Variants in SDK1 observed in about 807,000 individuals in gnomAD.
The protein encoded by SDK1 is protein sidekick-1.
Under a neutral mutation model 245.5 loss-of-function variants are expected in SDK1, and 157 were observed. The observed-to-expected ratio is 0.64, with a 90% CI of 0.56 to 0.73. The LOEUF is 0.73. Among genes scored for constraint, SDK1 ranks in the 30% least tolerant of loss-of-function variants. The probability of loss-of-function intolerance (pLI) is 0.00; values close to 1 mark genes in which losing one functional copy is unlikely to be tolerated. For missense variants in SDK1, 3,583 were observed against 3,002.3 expected (o/e 1.19, Z -4.52); for synonymous variants, 1,647 against 1,278.5 (o/e 1.29, Z -6.15).
chr7:4,065,694 GTTTTTTTTTTTTTTTTTTTTT>G (rs749991713), intron 19 of SDK1, among the ~76,000 whole-genome samples: 3 of 66,720 alleles, frequency 4.5e-5, no homozygotes, highest in East Asian at 1.0e-3. Flanking sequence ...AGTGGTTGTT[GTTTTTTTTTTTTTTTTTTTTT>G]TTTTTTTTTT....
chr7:3,560,768 C>A (rs1472155995), intron 1 of SDK1, among the ~76,000 whole-genome samples: 1 of 152,182 alleles, frequency 6.6e-6, no homozygotes, highest in African/African-American at 2.4e-5. Context: ...TCTCCTACTA[C>A]CCCTCCCCAG....
chr7:3,454,625 C>G (rs1161685046), intron 1 of SDK1, among the ~76,000 whole-genome samples: 1 of 152,160 alleles, frequency 6.6e-6, no homozygotes, highest in Non-Finnish European at 1.5e-5. Flanking sequence ...GGATTTGCTG[C>G]TTTACTCAGC....
At chr7:3,618,393 G>C (rs1311355073) in intron 1 of SDK1, among the ~76,000 whole-genome samples, 1 of 152,160 alleles carries the variant, frequency 6.6e-6, no homozygotes, top group Non-Finnish European at 1.5e-5. Context: ...ATGAACTTTT[G>C]AATAGTAGCA....
chr7:3,416,463 CTTTTTTT>C (rs5881982), intron 1 of SDK1, among the ~76,000 whole-genome samples: 1 of 132,386 alleles, frequency 7.6e-6, no homozygotes, highest in Non-Finnish European at 1.6e-5. Context: ...GGCTTTCGTT[CTTTTTTT>C]TTTTTTTTTT....
At chr7:4,113,506 C>T in intron 24 of SDK1, 67 bp downstream of exon 24, 4 of 1,553,674 alleles carry the variant, frequency 2.6e-6, no homozygotes, top group Non-Finnish European at 3.5e-6. Context: ...ACACACTAAT[C>T]CAGGGCTTAG....
chr7:3,381,748 G>C (rs1284028109), intron 1 of SDK1, among the ~76,000 whole-genome samples: 1 of 152,166 alleles, frequency 6.6e-6, no homozygotes, highest in African/African-American at 2.4e-5. Flanking sequence ...GGCAGGAAAG[G>C]TGTGTGGACA....
At chr7:4,228,097 A>G (rs904507474) in intron 40 of SDK1, among the ~76,000 whole-genome samples, 3 of 152,242 alleles carry the variant, frequency 2.0e-5, no homozygotes, top group Non-Finnish European at 2.9e-5. Flanking sequence ...AGCCGCCTCA[A>G]TGGGAAGCTG....
At chr7:3,506,763 C>A (rs1782405151) in intron 1 of SDK1, among the ~76,000 whole-genome samples, 1 of 151,422 alleles carries the variant, frequency 6.6e-6, no homozygotes, top group Admixed American at 6.6e-5. Context: ...TATTCCAGTT[C>A]AGGTGTTGTA....
chr7:3,736,350 G>A (rs1779317447), intron 4 of SDK1, among the ~76,000 whole-genome samples: 1 of 152,188 alleles, frequency 6.6e-6, no homozygotes, highest in Non-Finnish European at 1.5e-5. Context: ...CTGGAGTGCA[G>A]TGGCACGTCT....
chr7:3,492,660 A>C (rs891023661), intron 1 of SDK1, among the ~76,000 whole-genome samples: 3 of 152,324 alleles, frequency 2.0e-5, no homozygotes, highest in Admixed American at 2.0e-4. Context: ...TTCACAGGTA[A>C]CAAGTGCCCT....
intron 4 of SDK1, among the ~76,000 whole-genome samples, chr7:3,699,414 T>G (rs1276902188): frequency 1.3e-5 from 2 of 151,976 alleles, no homozygotes; most frequent in African/African-American, 2.4e-5. Context: ...ATCAAAGCAA[T>G]CGAAAGTCTC....
At chr7:4,091,334 CTTTTTTTTT>C (rs61065472) in intron 22 of SDK1, among the ~76,000 whole-genome samples, 1 of 108,260 alleles carries the variant, frequency 9.2e-6, no homozygotes. Flanking sequence ...CTTTTCTTTT[CTTTTTTTTT>C]TTTTTTTTTT....
chr7:3,450,243 C>A (rs930518553), intron 1 of SDK1, among the ~76,000 whole-genome samples: 1 of 152,168 alleles, frequency 6.6e-6, no homozygotes, highest in East Asian at 1.9e-4. Flanking sequence ...GTGAGGAAGA[C>A]CTCTTACCCC....
chr7:3,830,300 G>A (rs1166124111), intron 5 of SDK1, among the ~76,000 whole-genome samples: 1 of 152,138 alleles, frequency 6.6e-6, no homozygotes, highest in African/African-American at 2.4e-5. Flanking sequence ...AAATTATTCA[G>A]TAGTGATTTG....
chr7:3,525,118 G>T (rs1583121948), intron 1 of SDK1, among the ~76,000 whole-genome samples: 1 of 152,106 alleles, frequency 6.6e-6, no homozygotes, highest in African/African-American at 2.4e-5. Context: ...AAGTGTACAG[G>T]AGGATGTGCA....
chr7:3,633,433 C>G (rs1328802226), intron 2 of SDK1, among the ~76,000 whole-genome samples: 1 of 152,104 alleles, frequency 6.6e-6, no homozygotes, highest in African/African-American at 2.4e-5. Flanking sequence ...TTGGAAAGGA[C>G]TGCTGAACAG....
chr7:3,596,973 AT>A (rs896444618), intron 1 of SDK1, among the ~76,000 whole-genome samples: 1 of 152,184 alleles, frequency 6.6e-6, no homozygotes, highest in African/African-American at 2.4e-5. Context: ...CAAAACTGGT[AT>A]AAGAGTAGGT....
chr7:4,254,712 C>G (rs1329233704), intron 44 of SDK1, among the ~76,000 whole-genome samples: 1 of 151,526 alleles, frequency 6.6e-6, no homozygotes, highest in East Asian at 1.9e-4. Context: ...TATATTGCAG[C>G]AACTCTGAAT....
chr7:4,200,086 C>G (rs570343875), intron 35 of SDK1, among the ~76,000 whole-genome samples: 6 of 152,152 alleles, frequency 3.9e-5, no homozygotes, highest in African/African-American at 1.4e-4. Flanking sequence ...CAGAGTGATA[C>G]TCCATCCCCC....
Sources: allele counts gnomAD v4.1 joint callset (sites outside exome capture counted in the v4.1 genomes callset), GRCh38; gene constraint gnomAD v4.1.1; transcripts MANE v1.5; gene names NCBI Gene and HGNC (gene_info 2026-07-23, HGNC 2026-07-21).